Variants in DNAH12 observed in about 807,000 individuals in gnomAD.
DNAH12 encodes the protein axonemal beta dynein heavy chain 12.
Under a neutral mutation model 371.5 loss-of-function variants are expected in DNAH12, and 285 were observed. The ratio of observed to expected loss-of-function variants is 0.77; its 90% CI spans 0.70 to 0.85. DNAH12 has a LOEUF of 0.85. Ranked by LOEUF, DNAH12 falls within the 40% of genes least tolerant of loss-of-function variation. The pLI, the probability that DNAH12 is intolerant of heterozygous loss-of-function variation, is 0.00. For synonymous variants in DNAH12, 1,200 were observed against 1,213.0 expected (o/e 0.99, Z 0.22); for missense variants, 3,611 against 3,689.4 (o/e 0.98, Z 0.55).
intron 59 of DNAH12, among the ~76,000 whole-genome samples, chr3:57,353,521 A>G (rs2062731948): frequency 1.3e-5 from 2 of 152,174 alleles, no homozygotes; most frequent in South Asian, 4.1e-4. Flanking sequence ...CACTTTCTTT[A>G]AAAAATTTTT....
chr3:57,539,363 C>T (rs1452371686), intron 2 of DNAH12, among the ~76,000 whole-genome samples: 2 of 152,240 alleles, frequency 1.3e-5, no homozygotes, highest in Non-Finnish European at 2.9e-5. Context: ...CCTGATACTA[C>T]CCTTCCCCAG....
chr3:57,443,859 C>G (rs1488429763), intron 29 of DNAH12, among the ~76,000 whole-genome samples: 3 of 152,048 alleles, frequency 2.0e-5, no homozygotes, highest in African/African-American at 7.2e-5. Flanking sequence ...TAGTGTAATA[C>G]ACTATTACAG....
intron 64 of DNAH12, 125 bp from the exon 65 acceptor site, chr3:57,322,608 G>A (rs1255934952): frequency 3.4e-5 from 40 of 1,165,042 alleles, no homozygotes; most frequent in Non-Finnish European, 4.6e-5. Context: ...AACCTCTTAA[G>A]GTTAAGCATC....
chr3:57,337,327 G>C (rs546468349), intron 60 of DNAH12, among the ~76,000 whole-genome samples: 2 of 151,340 alleles, frequency 1.3e-5, no homozygotes, highest in Middle Eastern at 3.4e-3. Context: ...GGGTCACATA[G>C]GGAGACCCTC....
At chr3:57,441,617 C>T (rs1350750285) in intron 29 of DNAH12, among the ~76,000 whole-genome samples, 1 of 151,992 alleles carries the variant, frequency 6.6e-6, no homozygotes, top group Non-Finnish European at 1.5e-5. Context: ...CAAAGTAAAA[C>T]CTTGTCTCTA....
chr3:57,418,960 T>C (rs994902067), intron 37 of DNAH12, among the ~76,000 whole-genome samples: 13 of 152,202 alleles, frequency 8.5e-5, no homozygotes, highest in African/African-American at 3.1e-4. Context: ...CCTTAAGTTA[T>C]GGAATCCAGA....
At chr3:57,529,238 T>C (rs1249974589) in intron 2 of DNAH12, among the ~76,000 whole-genome samples, 2 of 152,196 alleles carry the variant, frequency 1.3e-5, no homozygotes, top group Admixed American at 1.3e-4. Context: ...GGTATCAGGG[T>C]AATACTGGCC....
At chr3:57,355,128 G>T (rs1318364760) in intron 59 of DNAH12, among the ~76,000 whole-genome samples, 2 of 152,028 alleles carry the variant, frequency 1.3e-5, no homozygotes, top group Admixed American at 6.6e-5. Context: ...GGGGCAACTG[G>T]GTAAAAGGTA....
intron 70 of DNAH12, among the ~76,000 whole-genome samples, chr3:57,298,567 A>G (rs368080219): frequency 1.6e-3 from 247 of 152,310 alleles, no homozygotes; most frequent in African/African-American, 5.5e-3. Flanking sequence ...CTTATGTCAG[A>G]ATTTTTGTTA....
chr3:57,298,634 G>A (rs1055763320), intron 70 of DNAH12, among the ~76,000 whole-genome samples: 1 of 152,192 alleles, frequency 6.6e-6, no homozygotes, highest in Non-Finnish European at 1.5e-5. Context: ...AAGCTACATA[G>A]TGATCTCTTT....
intron 12 of DNAH12, among the ~76,000 whole-genome samples, chr3:57,484,920 A>T (rs1389439462): frequency 6.6e-6 from 1 of 152,112 alleles, no homozygotes; most frequent in African/African-American, 2.4e-5. Flanking sequence ...AGCCAAAAAA[A>T]CCTATGAAAA....
At chr3:57,465,983 T>G (rs1400506316) in intron 17 of DNAH12, among the ~76,000 whole-genome samples, 5 of 152,112 alleles carry the variant, frequency 3.3e-5, no homozygotes, top group Admixed American at 3.3e-4. Context: ...ATAACTTCTA[T>G]GGAGGGTAAT....
chr3:57,352,321 T>C, intron 59 of DNAH12, 96 bp from the exon 60 acceptor site: 1 of 1,306,152 alleles, frequency 7.7e-7, no homozygotes, highest in South Asian at 1.5e-5. Context: ...TATGAAAGTA[T>C]CACTATTAAA....
intron 4 of DNAH12, 90 bp downstream of exon 4, chr3:57,523,493 A>G: frequency 9.4e-7 from 1 of 1,060,254 alleles, no homozygotes; most frequent in South Asian, 1.6e-5. Flanking sequence ...ATTTTCTAGA[A>G]TGGGACTTAG....
intron 29 of DNAH12, among the ~76,000 whole-genome samples, chr3:57,437,559 T>C (rs1280394065): frequency 6.6e-6 from 1 of 152,198 alleles, no homozygotes. Context: ...CCTAGGGACA[T>C]TTTCTAAGTC....
intron 42 of DNAH12, among the ~76,000 whole-genome samples, chr3:57,403,760 A>T (rs1314573781): frequency 2.0e-5 from 3 of 152,226 alleles, no homozygotes; most frequent in Non-Finnish European, 4.4e-5. Flanking sequence ...AAAATGAAAT[A>T]TTAACTGCTA....
intron 40 of DNAH12, among the ~76,000 whole-genome samples, chr3:57,407,610 G>T (rs2153354042): frequency 6.6e-6 from 1 of 152,266 alleles, no homozygotes; most frequent in South Asian, 2.1e-4. Context: ...GAAGCTTCTA[G>T]AAAGTGTAGT....
chr3:57,348,589 A>G (rs1199481261), intron 60 of DNAH12, among the ~76,000 whole-genome samples: 2 of 152,222 alleles, frequency 1.3e-5, no homozygotes, highest in East Asian at 3.8e-4. Context: ...GAGGTTGTAC[A>G]TAAGAAATCT....
intron 58 of DNAH12, among the ~76,000 whole-genome samples, chr3:57,357,627 A>G (rs1387429569): frequency 2.6e-5 from 4 of 152,214 alleles, no homozygotes; most frequent in African/African-American, 4.8e-5. Flanking sequence ...TTAGATTAAC[A>G]GTATGATCAG....
Sources: gnomAD v4.1 joint callset for allele counts (sites outside exome capture counted in the v4.1 genomes callset) on GRCh38, gnomAD v4.1.1 for gene constraint, MANE v1.5 for transcripts, NCBI Gene and HGNC (gene_info 2026-07-23, HGNC 2026-07-21) for gene names.